Variants in GAREM2 observed in about 807,000 individuals in gnomAD.
GAREM2 encodes GRB2-associated and regulator of MAPK protein 2.
In GAREM2, 30 loss-of-function variants were observed where a neutral mutation model predicts 55.6. The observed-to-expected ratio is 0.54, with a 90% CI of 0.40 to 0.73. The LOEUF is 0.73. Ranked by LOEUF, GAREM2 falls within the 30% of genes least tolerant of loss-of-function variation. GAREM2 has a pLI of 0.00. For missense variants in GAREM2, 1,075 were observed against 1,257.7 expected (o/e 0.85, Z 2.20); for synonymous variants, 550 against 569.1 (o/e 0.97, Z 0.48).
Position 26,184,873 on chromosome 2 carries a change from G to A in GAREM2, c.1025G>A (p.Arg342His), listed in dbSNP as rs1379627434. 1.4e-6 allele frequency: 2 copies of A among 1,464,432 alleles called. No individual in the cohort carries two copies. Among genetic ancestry groups the A allele is most frequent in the Admixed American group, 2.6e-5 (1 of 38,264 alleles). The allele number at this position is 1,464,432 out of a possible 1,614,324, so 90.7% of individuals were successfully genotyped here. A position where few individuals can be genotyped will look rare whatever the true frequency, so the allele number is the denominator to read the frequency against. ...GACCCGCGCGTCGAGCGCCTGGTGCGCGACAGCGCCTCCTACTGCCGCGAG... is the reference window on the plus strand; with the variant it reads ...GACCCGCGCGTCGAGCGCCTGGTGCACGACAGCGCCTCCTACTGCCGCGAG... ...AGDPRVERLV[R>H]DSASYCRERF... Residue 342 changes from arginine (R) to histidine (H), a missense_variant, in exon 4 of 6, where the codon CGC (arginine) becomes CAC (histidine). Physicochemically the swap from Arg to His is conservative, Grantham distance 29 (BLOSUM62 0). This residue lies in a region of GAREM2 where 170 missense variants were observed against 220.7 expected (regional missense o/e 0.77). Transcript: ENST00000401533.
chr2:26,192,855 A>C (rs1276636548), downstream of GAREM2, among the ~76,000 whole-genome samples: 1 of 152,230 alleles, frequency 6.6e-6, no homozygotes, highest in Non-Finnish European at 1.5e-5. Context: ...TAACCCTAGC[A>C]AATTAGTCTT....
At chr2:26,194,270 G>C (rs1669596482), downstream of GAREM2, among the ~76,000 whole-genome samples, 1 of 152,166 alleles carries the variant, frequency 6.6e-6, no homozygotes, top group Admixed American at 6.5e-5. Context: ...GCCCTGTTCT[G>C]GATGGTCCCT....
At position 26,183,060 on chromosome 2, in the gene GAREM2, G is replaced by A. The variant is rs938967680; in HGVS notation, c.347G>A (p.Arg116His). 7.7e-6 allele frequency: 12 copies of A among 1,551,524 alleles called. No individual in the cohort carries two copies. The African/African-American group carries it at 8.2e-5, about 11-fold the overall frequency. Residue 116 changes from arginine to histidine, a missense_variant, in exon 3 of 6, where the codon CGC becomes CAC. Arg to His is a conservative substitution (Grantham distance 29). Transcript: ENST00000401533. ...VEEVASVFPDRIFVMEAITFS... is the reference protein window; with the variant it reads ...VEEVASVFPDHIFVMEAITFS... The stretch of plus-strand genomic sequence containing the variant: ...GAGGTGGCCAGTGTCTTCCCTGACC[G>A]CATCTTCGTGATGGAAGCCATCACC...
Position 26,179,755 on chromosome 2 carries a change from G to A in GAREM2, c.254-3212G>A, listed in dbSNP as rs1053775115. Among the ~76,000 whole-genome samples the A allele has an allele frequency of 6.6e-6, 1 of 152,150 alleles. No individual in the cohort carries two copies. The highest frequency in any genetic ancestry group is 2.4e-5 in the African/African-American group (1 of 41,426). Reference sequence around the variant, plus strand: ...CTTCCTTCCTCCCGCAGTAATGACCGGCGCTGGGCTTCAGGCTGCCGCGGA... The same window carrying A: ...CTTCCTTCCTCCCGCAGTAATGACCAGCGCTGGGCTTCAGGCTGCCGCGGA... On this transcript the variant is annotated intron_variant, in intron 2 of 5. Coordinates refer to ENST00000401533, the MANE Select transcript of GAREM2 (RefSeq NM_001168241.2). This position sits in a 1 kb window ranked among gnomAD's most constrained non-coding sequence, Gnocchi z 4.7.
At chr2:26,191,811 C>T (rs1207063888), downstream of GAREM2, among the ~76,000 whole-genome samples, 2 of 152,188 alleles carry the variant, frequency 1.3e-5, no homozygotes, top group Admixed American at 1.3e-4. Context: ...TGGAGAGTAA[C>T]TTGCCCTAAT....
chr2:26,184,656 C>A lies in GAREM2; in HGVS notation c.808C>A (p.Pro270Thr), dbSNP rs1162840318. The change falls in exon 4 of 6, where the codon CCC becomes ACC. Residue 270 changes from proline to threonine, a missense_variant. Pro to Thr is a conservative substitution (Grantham distance 38). Coordinates refer to ENST00000401533, the MANE Select transcript of GAREM2 (RefSeq NM_001168241.2). ...GAGGCTGCCGGTGAACGTGCTGGTGCCCAGCCGGCCGCCGCGCAACCCCTA... is the reference window on the plus strand; with the variant it reads ...GAGGCTGCCGGTGAACGTGCTGGTGACCAGCCGGCCGCCGCGCAACCCCTA... ...RVRLPVNVLV[P>T]SRPPRNPYDL... is the part of the protein sequence containing the mutation. 1.3e-6 allele frequency: 2 copies of A among 1,544,568 alleles called. No individual in the cohort carries two copies. Among genetic ancestry groups the A allele is most frequent in the South Asian group, 1.2e-5 (1 of 83,574 alleles).
Position 26,184,709 on chromosome 2 carries a change from T to C in GAREM2, c.861T>C (p.His287=), listed in dbSNP as rs974221884. 4 of 1,537,944 alleles carry C rather than the reference T, an allele frequency of 2.6e-6. No homozygotes were observed. The highest frequency in any genetic ancestry group is 2.8e-5 in the African/African-American group (2 of 72,264). The change falls in exon 4 of 6, where the codon CAT becomes CAC. Residue 287 remains histidine, a synonymous_variant. Coordinates refer to ENST00000401533, the MANE Select transcript of GAREM2 (RefSeq NM_001168241.2). The stretch of plus-strand genomic sequence containing the variant: ...ACCTGCACCCGGTGCGGGAGGGTCA[T>C]TGCTACAAGCTGGTTAGCATCATCT... ...PYDLHPVREG[H]CYKLVSIISK...
chr2:26,187,314 A>T lies in GAREM2; in HGVS notation c.1682A>T (p.Lys561Met). ...YCYPCTWGDC[K>M]VGESSSRPAP... ...TACCCATGCACCTGGGGAGACTGCA[A>T]GGTGGGCGAGTCCTCTAGCCGCCCA... The change falls in exon 6 of 6, where the codon AAG (lysine) becomes ATG (methionine). Residue 561 changes from lysine to methionine, a missense_variant. Physicochemically the swap from Lys to Met is moderately conservative, Grantham distance 95 (BLOSUM62 -1). Transcript: ENST00000401533. The T allele has an allele frequency of 6.6e-7, 1 of 1,526,484 alleles. No individual in the cohort carries two copies. Among genetic ancestry groups the T allele is most frequent in the Non-Finnish European group, 8.8e-7 (1 of 1,134,502 alleles). The allele number at this position is 1,526,484 out of a possible 1,614,324, so 94.6% of individuals were successfully genotyped here.
rs529933037 is a variant in GAREM2 at position 26,183,037 on chromosome 2, G to A, written c.324G>A (p.Glu108=). 1 of 1,551,740 alleles carries A rather than the reference G, an allele frequency of 6.4e-7. No individual in the cohort carries two copies. The highest frequency in any genetic ancestry group is 2.4e-5 in the East Asian group (1 of 40,914). Reference sequence around the variant, plus strand: ...TGAGGTACTTCAGCAGCGTGGAGGAGGTGGCCAGTGTCTTCCCTGACCGCA... The same window carrying A: ...TGAGGTACTTCAGCAGCGTGGAGGAAGTGGCCAGTGTCTTCCCTGACCGCA... ...EPVRYFSSVE[E]VASVFPDRIF... is the part of the protein sequence containing the mutation. The change falls in exon 3 of 6, where the codon GAG becomes GAA. Residue 108 remains glutamate (E), a synonymous_variant. Transcript: ENST00000401533.
chr2:26,185,012 C>A lies in GAREM2; in HGVS notation c.1164C>A (p.Pro388=), dbSNP rs898571655. ...ARLCLPAPRA[P]GLARAPGPLA... ...TCTGCCTGCCCGCGCCGCGCGCCCCCGGGCTCGCCCGCGCCCCCGGCCCGC... is the reference window on the plus strand; with the variant it reads ...TCTGCCTGCCCGCGCCGCGCGCCCCAGGGCTCGCCCGCGCCCCCGGCCCGC... Residue 388 remains proline (P), a synonymous_variant, in exon 4 of 6, where the codon CCC becomes CCA. Coordinates refer to ENST00000401533, the MANE Select transcript of GAREM2 (RefSeq NM_001168241.2). 2.1e-4 allele frequency: 227 copies of A among 1,098,130 alleles called. No homozygotes were observed. The African/African-American group carries it at 3.5e-3, about 17-fold the overall frequency. 68.0% of individuals were successfully genotyped at this position (1,098,130 alleles called of 1,614,324 possible).
intron 2 of GAREM2, among the ~76,000 whole-genome samples, chr2:26,177,999 T>G (rs1395127374): frequency 6.6e-6 from 1 of 152,194 alleles, no homozygotes; most frequent in Admixed American, 6.5e-5. Context: ...AAGGTCCCAT[T>G]GCTTCTTCAC....
chr2:26,187,406 A>G lies in GAREM2; in HGVS notation c.1774A>G (p.Ser592Gly). 1 of 1,547,540 alleles carries G rather than the reference A, an allele frequency of 6.5e-7. No homozygotes were observed. Among genetic ancestry groups the G allele is most frequent in the Middle Eastern group, 1.7e-4 (1 of 5,966 alleles). ...QASRALTEPL[S>G]GRAASLLGAD... ...CTCCCGGGCCCTCACAGAGCCTCTG[A>G]GCGGTCGAGCCGCCTCCCTTCTGGG... The change falls in exon 6 of 6, where the codon AGC becomes GGC. Residue 592 changes from serine (S) to glycine (G), a missense_variant. Ser to Gly is a moderately conservative substitution (Grantham distance 56). Around this residue, in one of 6 missense-constraint regions of GAREM2, gnomAD observed 515 missense variants for 501.5 expected, o/e 1.03. Transcript: ENST00000401533.
At chr2:26,202,639 G>A in the GAREM2 span, among the ~76,000 whole-genome samples, 2 of 152,224 alleles carry the variant, frequency 1.3e-5, no homozygotes, top group Non-Finnish European at 2.9e-5. Flanking sequence ...TATTCGTGAG[G>A]CTGAGGCATG....
chr2:26,195,158 G>T, the GAREM2 span: 7 of 1,612,290 alleles, frequency 4.3e-6, no homozygotes, highest in African/African-American at 9.4e-5. Flanking sequence ...TGGTGTCTTT[G>T]GAAGTTTTCT....
intron 3 of GAREM2, among the ~76,000 whole-genome samples, chr2:26,183,456 G>A (rs1208795506): frequency 6.6e-6 from 1 of 152,054 alleles, no homozygotes; most frequent in Non-Finnish European, 1.5e-5. Flanking sequence ...GGGAGCAGTG[G>A]CTCATGCCTG....
chr2:26,203,019 T>C, the GAREM2 span, among the ~76,000 whole-genome samples: 1 of 152,204 alleles, frequency 6.6e-6, no homozygotes, highest in Non-Finnish European at 1.5e-5. Flanking sequence ...GGAAACTATT[T>C]TAGAGCAACA....
Position 26,178,916 on chromosome 2 carries a change from C to T in GAREM2, c.253+2432C>T, listed in dbSNP as rs533503328. Among the ~76,000 whole-genome samples, 14 of 25,660 alleles carry T rather than the reference C, an allele frequency of 5.5e-4. No homozygotes were observed. In the East Asian group the frequency reaches 0.029, roughly 53 times the overall value. The allele number at this position is 25,660 out of a possible 152,430, so 16.8% of individuals were successfully genotyped here. Reference sequence around the variant, plus strand: ...GAGGCGGAGGCGGAGGCAGAGGCCCCTAGGAGGGCGAAGGCCGGCGGGTTA... The same window carrying T: ...GAGGCGGAGGCGGAGGCAGAGGCCCTTAGGAGGGCGAAGGCCGGCGGGTTA... On this transcript the variant is annotated intron_variant, in intron 2 of 5. Transcript: ENST00000401533.
chr2:26,182,403 G>C, intron 2 of GAREM2: 1 of 1,549,096 alleles, frequency 6.5e-7, no homozygotes, highest in South Asian at 1.2e-5. Flanking sequence ...TTCTCCCAGG[G>C]CCTTCAAGGG....
chr2:26,201,879 CTT>C, the GAREM2 span, among the ~76,000 whole-genome samples: 3 of 151,592 alleles, frequency 2.0e-5, no homozygotes, highest in Non-Finnish European at 4.4e-5. Context: ...ACTGCAACCT[CTT>C]GTCTCCTGGG....
Sources: gnomAD v4.1 joint callset for allele counts (sites outside exome capture counted in the v4.1 genomes callset) on GRCh38, gnomAD v4.1.1 for gene constraint, gnomAD v4.1.1 regional missense constraint, Gnocchi (gnomAD v3.1) non-coding constraint, MANE v1.5 for transcripts, NCBI Gene and HGNC (gene_info 2026-07-23, HGNC 2026-07-21) for gene names.